Variants in CYP2C8 observed in about 807,000 individuals in gnomAD.
The protein encoded by CYP2C8 is cytochrome P450 2C8.
In CYP2C8, 51 loss-of-function variants were observed where a neutral mutation model predicts 41.3. That is an observed-to-expected ratio of 1.24 (90% CI 0.99 to 1.56). The LOEUF (loss-of-function observed/expected upper bound fraction) is 1.56. CYP2C8 is among the 40% of genes most tolerant of loss of function. CYP2C8 has a pLI of 0.00. For synonymous variants in CYP2C8, 218 were observed against 205.8 expected (o/e 1.06, Z -0.51); for missense variants, 651 against 579.9 (o/e 1.12, Z -1.26).
At chr10:95,065,860 G>A (rs1349683625) in intron 3 of CYP2C8, among the ~76,000 whole-genome samples, 1 of 152,078 alleles carries the variant, frequency 6.6e-6, no homozygotes. Flanking sequence ...TTCGGTGAAG[G>A]AATCTCTAAA....
intron 5 of CYP2C8, 118 bp from the exon 6 acceptor site, chr10:95,046,069 G>A: frequency 8.5e-7 from 1 of 1,174,604 alleles, no homozygotes; most frequent in African/African-American, 1.5e-5. Flanking sequence ...GGACAGTACA[G>A]TATTAGAAAA....
chr10:95,066,814 C>T (rs769270622), intron 3 of CYP2C8, among the ~76,000 whole-genome samples: 6 of 152,172 alleles, frequency 3.9e-5, no homozygotes, highest in Non-Finnish European at 8.8e-5. Context: ...AGGTCACTTT[C>T]ACCATGTCCA....
intron 6 of CYP2C8, among the ~76,000 whole-genome samples, chr10:95,045,327 C>G (rs1357422708): frequency 3.3e-5 from 5 of 152,118 alleles, no homozygotes; most frequent in Non-Finnish European, 7.4e-5. Flanking sequence ...AAGAGACTAA[C>G]TTTTAGATTA....
In CYP2C8 at chr10:95,063,260, T is replaced by C. The variant is rs1345287875; in HGVS notation, c.642+1540A>G. Among the ~76,000 whole-genome samples the C allele has an allele frequency of 2.6e-5, 4 of 152,348 alleles. No individual in the cohort carries two copies. In the South Asian group the frequency reaches 8.3e-4, roughly 32 times the overall value. Reference sequence around the variant, plus strand: ...TTCCAACTCAGTTCCATTCTCCCCGTCACTTTCAGATACACCAATCAGACG... The same window carrying C: ...TTCCAACTCAGTTCCATTCTCCCCGCCACTTTCAGATACACCAATCAGACG... On this transcript the variant is annotated intron_variant, in intron 4 of 8. Transcript: ENST00000371270.
intron 4 of CYP2C8, among the ~76,000 whole-genome samples, chr10:95,059,510 T>C (rs1278836971): frequency 6.6e-6 from 1 of 152,178 alleles, no homozygotes; most frequent in African/African-American, 2.4e-5. Context: ...TTCTTGTAAA[T>C]TTGTTTGAGT....
chr10:95,046,653 C>T (rs375929848), intron 5 of CYP2C8, among the ~76,000 whole-genome samples: 63 of 151,054 alleles, frequency 4.2e-4, no homozygotes, highest in African/African-American at 1.5e-3. Context: ...CTCCTCATTA[C>T]TCAAAACACA....
In CYP2C8 at chr10:95,044,546, G is replaced by C. The variant is rs572055008; in HGVS notation, c.961+1264C>G. Among the ~76,000 whole-genome samples, 9 of 152,228 alleles carry C rather than the reference G, an allele frequency of 5.9e-5. No homozygotes were observed. The South Asian group carries it at 1.9e-3, about 32-fold the overall frequency. On this transcript the variant is annotated intron_variant, in intron 6 of 8. Transcript: ENST00000371270. ...TCTGGAGAGTATCTAGCTGGCTGCT[G>C]AATGTCAGGAAGCAAGATGAAGAAA...
At chr10:95,043,865 C>CAT (rs1491094017) in intron 6 of CYP2C8, among the ~76,000 whole-genome samples, 1 of 40,010 alleles carries the variant, frequency 2.5e-5, no homozygotes, top group Non-Finnish European at 4.7e-5. Context: ...CTCACAGAAG[C>CAT]ACACACACAC....
At position 95,064,980 on chromosome 10, in the gene CYP2C8, TA is replaced by T. The variant is rs1192036646; in HGVS notation, c.482-21del. The T allele has an allele frequency of 3.5e-6, 5 of 1,435,758 alleles. No homozygotes were observed. In the African/African-American group the frequency reaches 4.4e-5, roughly 13 times the overall value. The allele number at this position is 1,435,758 out of a possible 1,614,324, so 88.9% of individuals were successfully genotyped here. On this transcript the variant is annotated intron_variant, in intron 3 of 8. Coordinates refer to ENST00000371270, the MANE Select transcript of CYP2C8 (RefSeq NM_000770.3). The stretch of plus-strand genomic sequence containing the variant: ...GTGAAGCTAAAGATTTAAAAATTTT[TA>T]AAAAAATTATTAAAAAATAAATATT...
intron 5 of CYP2C8, among the ~76,000 whole-genome samples, chr10:95,055,896 G>C (rs2033306354): frequency 6.6e-6 from 1 of 152,014 alleles, no homozygotes; most frequent in South Asian, 2.1e-4. Flanking sequence ...TTTGAGACCA[G>C]CCTAGGAAAC....
chr10:95,060,302 A>G (rs978594903), intron 4 of CYP2C8, among the ~76,000 whole-genome samples: 2 of 152,050 alleles, frequency 1.3e-5, no homozygotes, highest in African/African-American at 4.8e-5. Context: ...ATTTGTTTGT[A>G]GCCTCTTTTA....
chr10:95,053,865 T>C (rs2033260358), intron 5 of CYP2C8, among the ~76,000 whole-genome samples: 1 of 152,116 alleles, frequency 6.6e-6, no homozygotes, highest in Admixed American at 6.6e-5. Flanking sequence ...CAAACCACCA[T>C]GGCACATGTA....
Position 95,067,535 on chromosome 10 carries a change from C to T in CYP2C8, c.325G>A (p.Gly109Arg). Residue 109 changes from glycine to arginine, a missense_variant, in exon 2 of 9, where the codon GGA becomes AGA. Gly to Arg is a moderately radical substitution (Grantham distance 125). Transcript: ENST00000371270. ...CAGAAATATGTGCACCTACCAAGTC[C>T]TTTAGTAATTCTTTGAGATATTGGG... ...NSPISQRITK[G>R]LGIISSNGKR... The T allele has an allele frequency of 2.5e-6, 4 of 1,614,104 alleles. No homozygotes were observed. Among genetic ancestry groups the T allele is most frequent in the Non-Finnish European group, 3.4e-6 (4 of 1,180,010 alleles).
intron 5 of CYP2C8, among the ~76,000 whole-genome samples, chr10:95,049,993 CCTT>C (rs2033185943): frequency 6.6e-6 from 1 of 151,980 alleles, no homozygotes; most frequent in Non-Finnish European, 1.5e-5. Flanking sequence ...AGGAAAGACT[CCTT>C]CTACTTGAGA....
At chr10:95,059,483 G>T (rs2033379618) in intron 4 of CYP2C8, among the ~76,000 whole-genome samples, 1 of 152,074 alleles carries the variant, frequency 6.6e-6, no homozygotes, top group African/African-American at 2.4e-5. Context: ...ACTTGTTGAT[G>T]GGGTTGTTTG....
intron 6 of CYP2C8, among the ~76,000 whole-genome samples, chr10:95,044,288 C>T (rs2033065829): frequency 6.6e-6 from 1 of 152,168 alleles, no homozygotes; most frequent in African/African-American, 2.4e-5. Flanking sequence ...TATGAATACA[C>T]AAGATAGTAT....
chr10:95,060,198 A>T (rs1017100464), intron 4 of CYP2C8, among the ~76,000 whole-genome samples: 8 of 151,548 alleles, frequency 5.3e-5, no homozygotes, highest in African/African-American at 1.9e-4. Context: ...TTGGTGCTTG[A>T]TGGGGATGGC....
At chr10:95,058,926 A>C (rs1235124310) in intron 4 of CYP2C8, among the ~76,000 whole-genome samples, 2 of 152,118 alleles carry the variant, frequency 1.3e-5, no homozygotes, top group Admixed American at 6.6e-5. Flanking sequence ...TAGTATGCTG[A>C]GAACGATGGT....
At chr10:95,055,460 C>T (rs1220654247) in intron 5 of CYP2C8, among the ~76,000 whole-genome samples, 1 of 152,160 alleles carries the variant, frequency 6.6e-6, no homozygotes, top group African/African-American at 2.4e-5. Flanking sequence ...CTATCTCACT[C>T]TTATGCAAAA....
Sources: gnomAD v4.1 joint callset for allele counts (sites outside exome capture counted in the v4.1 genomes callset) on GRCh38, gnomAD v4.1.1 for gene constraint, MANE v1.5 for transcripts, NCBI Gene and HGNC (gene_info 2026-07-23, HGNC 2026-07-21) for gene names.